FBXL7: variants seen among roughly 807,000 people sequenced by gnomAD.
FBXL7 encodes F-box and leucine rich repeat protein 7.
A neutral mutation model predicts 38.3 loss-of-function variants in FBXL7; 12 were observed. The ratio of observed to expected loss-of-function variants is 0.31; its 90% CI spans 0.20 to 0.51. The LOEUF (loss-of-function observed/expected upper bound fraction) is 0.51, where lower values mean the gene tolerates loss of function less well. FBXL7 is among the 20% of genes least tolerant of loss of function. FBXL7 has a pLI of 0.98. For synonymous variants in FBXL7, 297 were observed against 300.9 expected (o/e 0.99, Z 0.13); for missense variants, 567 against 676.4 (o/e 0.84, Z 1.79).
rs144521239 is a variant in FBXL7, at chr5:15,927,322, G to T, written c.128-568G>T. 2.0e-5 allele frequency among the ~76,000 whole-genome samples: 3 copies of T among 152,230 alleles called. No homozygotes were observed. The East Asian group carries it at 5.8e-4, about 29-fold the overall frequency. On this transcript the variant is annotated intron_variant, in intron 2 of 3. Coordinates refer to ENST00000504595, the MANE Select transcript of FBXL7 (RefSeq NM_012304.5). ...TATCTGACCCTGTTCATTGCAGTCTGGTCACTCCTGGTGCAGACCACAGGG... is the reference window on the plus strand; with the variant it reads ...TATCTGACCCTGTTCATTGCAGTCTTGTCACTCCTGGTGCAGACCACAGGG...
At chr5:15,794,161 A>G (rs1737354329) in intron 2 of FBXL7, among the ~76,000 whole-genome samples, 1 of 152,208 alleles carries the variant, frequency 6.6e-6, no homozygotes, top group Non-Finnish European at 1.5e-5. Flanking sequence ...GTGTAACACA[A>G]ATGTTATCTC....
chr5:15,525,544 G>T (rs141142284), intron 1 of FBXL7, among the ~76,000 whole-genome samples: 2 of 152,188 alleles, frequency 1.3e-5, no homozygotes, highest in Non-Finnish European at 2.9e-5. Flanking sequence ...TTGTACCTTA[G>T]CCAACTTATC....
intron 3 of FBXL7, among the ~76,000 whole-genome samples, chr5:15,931,870 T>C (rs1004609836): frequency 3.3e-5 from 5 of 152,152 alleles, no homozygotes; most frequent in Admixed American, 3.3e-4. Flanking sequence ...TAAACTCCAG[T>C]GAAGCATCCC....
At chr5:15,634,347 A>G (rs1741107539) in intron 2 of FBXL7, among the ~76,000 whole-genome samples, 1 of 127,574 alleles carries the variant, frequency 7.8e-6, no homozygotes, top group Non-Finnish European at 1.6e-5. Flanking sequence ...TAAAAGACAG[A>G]GTCTCGTTCT....
At chr5:15,625,430 A>C (rs1043210139) in intron 2 of FBXL7, among the ~76,000 whole-genome samples, 18 of 152,164 alleles carry the variant, frequency 1.2e-4, no homozygotes, top group Admixed American at 6.5e-4. Flanking sequence ...GAGGTGGCCG[A>C]TCACATGAGG....
At chr5:15,610,311 C>A (rs1251129308) in intron 1 of FBXL7, among the ~76,000 whole-genome samples, 1 of 152,142 alleles carries the variant, frequency 6.6e-6, no homozygotes, top group Non-Finnish European at 1.5e-5. Context: ...CCTCCTGTGC[C>A]TCTCTTGCCC....
intron 1 of FBXL7, among the ~76,000 whole-genome samples, chr5:15,508,439 A>G (rs1189684236): frequency 6.6e-6 from 1 of 152,216 alleles, no homozygotes; most frequent in South Asian, 2.1e-4. Context: ...ACAAGAAGTT[A>G]TATTTGGCTC....
intron 1 of FBXL7, among the ~76,000 whole-genome samples, chr5:15,566,667 T>C (rs1580374709): frequency 6.6e-6 from 1 of 152,154 alleles, no homozygotes; most frequent in Non-Finnish European, 1.5e-5. Flanking sequence ...GCATATTTTA[T>C]CGCAAATGAA....
rs1342705413 is a variant in FBXL7, at chr5:15,567,368, T to C, written c.38-48615T>C. On this transcript the variant is annotated intron_variant, in intron 1 of 3. Transcript: ENST00000504595. The stretch of plus-strand genomic sequence containing the variant: ...TAAATTTTAGCAATATAAAAAGATA[T>C]TTGTTTTTTCTTCCAAGCTGTAAAG... Among the ~76,000 whole-genome samples, 7 of 152,096 alleles carry C rather than the reference T, an allele frequency of 4.6e-5. No individual in the cohort carries two copies. In the East Asian group the frequency reaches 1.3e-3, roughly 29 times the overall value.
chr5:15,816,953 C>G (rs1431566529), intron 2 of FBXL7, among the ~76,000 whole-genome samples: 1 of 152,190 alleles, frequency 6.6e-6, no homozygotes, highest in Non-Finnish European at 1.5e-5. Context: ...TACAAACACA[C>G]CTCTCCGAAT....
At chr5:15,693,289 TACAG>T (rs1743235814) in intron 2 of FBXL7, among the ~76,000 whole-genome samples, 1 of 152,140 alleles carries the variant, frequency 6.6e-6, no homozygotes, top group African/African-American at 2.4e-5. Context: ...ATGCGAGACT[TACAG>T]ACAGCCCAAA....
chr5:15,866,909 T>C (rs1166895012), intron 2 of FBXL7, among the ~76,000 whole-genome samples: 1 of 152,088 alleles, frequency 6.6e-6, no homozygotes, highest in African/African-American at 2.4e-5. Context: ...CCCAGTCTAT[T>C]AATGCCCATC....
chr5:15,845,664 TACA>T (rs1738875726), intron 2 of FBXL7, among the ~76,000 whole-genome samples: 2 of 152,200 alleles, frequency 1.3e-5, no homozygotes. Context: ...GATTATTTAT[TACA>T]AAATTGAATT....
At chr5:15,750,056 A>G (rs1278709433) in intron 2 of FBXL7, among the ~76,000 whole-genome samples, 1 of 152,170 alleles carries the variant, frequency 6.6e-6, no homozygotes, top group African/African-American at 2.4e-5. Context: ...AATATCTTTG[A>G]GATGAGGATT....
chr5:15,846,690 A>G (rs1479201450), intron 2 of FBXL7, among the ~76,000 whole-genome samples: 5 of 152,228 alleles, frequency 3.3e-5, no homozygotes, highest in Non-Finnish European at 7.3e-5. Flanking sequence ...TAAAAGTGGC[A>G]TTAATGAGAC....
intron 1 of FBXL7, among the ~76,000 whole-genome samples, chr5:15,572,387 TAAAAAAA>T (rs61523559): frequency 2.7e-5 from 3 of 110,554 alleles, no homozygotes; most frequent in Non-Finnish European, 3.8e-5. Context: ...TGGTTTCTGC[TAAAAAAA>T]AAAAAAAAAA....
chr5:15,597,495 TAA>T (rs35742221), intron 1 of FBXL7, among the ~76,000 whole-genome samples: 186 of 114,862 alleles, frequency 1.6e-3, no homozygotes, highest in Non-Finnish European at 2.2e-3. Context: ...TATCATTTTG[TAA>T]AAAAAAAAAA....
chr5:15,543,458 G>A (rs1228912284), intron 1 of FBXL7, among the ~76,000 whole-genome samples: 1 of 152,172 alleles, frequency 6.6e-6, no homozygotes, highest in African/African-American at 2.4e-5. Flanking sequence ...TTTTGGCCAG[G>A]TCATATCAAT....
intron 2 of FBXL7, among the ~76,000 whole-genome samples, chr5:15,765,152 C>T (rs954208645): frequency 6.6e-6 from 1 of 152,132 alleles, no homozygotes; most frequent in Non-Finnish European, 1.5e-5. Context: ...AAAAACCCTT[C>T]TTGGTGCACA....
Sources: allele counts gnomAD v4.1 joint callset (sites outside exome capture counted in the v4.1 genomes callset), GRCh38; gene constraint gnomAD v4.1.1; transcripts MANE v1.5; gene names NCBI Gene and HGNC (gene_info 2026-07-23, HGNC 2026-07-21).